The following LRP1B variants were observed in gnomAD, a reference collection of about 807,000 sequenced individuals.
The protein encoded by LRP1B is low-density lipoprotein receptor-related protein 1B.
A neutral mutation model predicts 556.6 loss-of-function variants in LRP1B; 217 were observed. The observed-to-expected ratio is 0.39, with a 90% CI of 0.35 to 0.44. LRP1B has a LOEUF of 0.44. LRP1B is among the 20% of genes least tolerant of loss of function. The pLI, the probability that LRP1B is intolerant of heterozygous loss-of-function variation, is 1.00. For synonymous variants in LRP1B, 2,047 were observed against 1,865.8 expected (o/e 1.10, Z -2.50); for missense variants, 5,053 against 5,620.8 (o/e 0.90, Z 3.23).
chr2:142,001,935 T>C (rs1416304571), intron 1 of LRP1B, among the ~76,000 whole-genome samples: 1 of 152,166 alleles, frequency 6.6e-6, no homozygotes. Flanking sequence ...TTTATTTTAA[T>C]GGGATTTGCA....
chr2:141,548,507 G>A (rs1434892613), intron 2 of LRP1B, among the ~76,000 whole-genome samples: 1 of 152,200 alleles, frequency 6.6e-6, no homozygotes, highest in Non-Finnish European at 1.5e-5. Flanking sequence ...CAAAAGACAT[G>A]CTGACCTTTG....
chr2:141,944,583 A>C (rs1700901997), intron 1 of LRP1B, among the ~76,000 whole-genome samples: 1 of 152,186 alleles, frequency 6.6e-6, no homozygotes, highest in African/African-American at 2.4e-5. Flanking sequence ...TCTGCAAATC[A>C]AATACTGCCT....
rs528325368 is a variant in LRP1B at position 141,822,857 on chromosome 2, C to T, written c.83-12456G>A. Among the ~76,000 whole-genome samples, 9 of 152,042 alleles carry T rather than the reference C, an allele frequency of 5.9e-5. No homozygotes were observed. In the South Asian group the frequency reaches 6.2e-4, roughly 11 times the overall value. On this transcript the variant is annotated intron_variant, in intron 1 of 90. Transcript: ENST00000389484. The stretch of plus-strand genomic sequence containing the variant: ...ACAAGCTGCGGATGGTTTAGTAAAG[C>T]GGTGGGCAAAAATAGAAATACTTAC...
intron 2 of LRP1B, among the ~76,000 whole-genome samples, chr2:141,696,965 G>T (rs1004497948): frequency 6.6e-6 from 1 of 151,890 alleles, no homozygotes; most frequent in African/African-American, 2.4e-5. Flanking sequence ...ATAATCTTTT[G>T]TGTATCATAG....
chr2:140,752,090 G>A (rs1202220237), intron 35 of LRP1B, among the ~76,000 whole-genome samples: 1 of 152,002 alleles, frequency 6.6e-6, no homozygotes, highest in African/African-American at 2.4e-5. Flanking sequence ...GGCAAGGCGG[G>A]CGGATCACGA....
At chr2:141,824,989 T>A (rs2105735899) in intron 1 of LRP1B, among the ~76,000 whole-genome samples, 1 of 152,334 alleles carries the variant, frequency 6.6e-6, no homozygotes, top group South Asian at 2.1e-4. Context: ...GTTTACCCTG[T>A]GCGGTCTCTC....
intron 23 of LRP1B, among the ~76,000 whole-genome samples, chr2:140,894,001 G>A (rs1033418130): frequency 6.6e-6 from 1 of 152,184 alleles, no homozygotes; most frequent in Non-Finnish European, 1.5e-5. Context: ...AAGGTTTGAG[G>A]TTAATTTCAC....
intron 2 of LRP1B, among the ~76,000 whole-genome samples, chr2:141,709,704 T>C (rs866523453): frequency 6.6e-6 from 1 of 152,124 alleles, no homozygotes; most frequent in Non-Finnish European, 1.5e-5. Context: ...ATACGTGGTG[T>C]GTGGGCAAAG....
chr2:141,390,800 G>A (rs1194731144), intron 3 of LRP1B, among the ~76,000 whole-genome samples: 2 of 152,212 alleles, frequency 1.3e-5, no homozygotes, highest in African/African-American at 4.8e-5. Context: ...AAGAACAAGT[G>A]CGCAATGCGC....
Position 141,417,482 on chromosome 2 carries a change from T to G in LRP1B, c.343+62914A>C, listed in dbSNP as rs1210542546. 2.0e-5 allele frequency among the ~76,000 whole-genome samples: 3 copies of G among 152,274 alleles called. No individual in the cohort carries two copies. In the East Asian group the frequency reaches 5.8e-4, roughly 30 times the overall value. ...CCATATAAGTAGAATCATGCAAAAA[T>G]TTTTCTTCTGTGACTGGCTTAACAT... On this transcript the variant is annotated intron_variant, in intron 3 of 90. Coordinates refer to ENST00000389484, the MANE Select transcript of LRP1B (RefSeq NM_018557.3).
At chr2:141,386,396 C>T (rs1027570295) in intron 3 of LRP1B, among the ~76,000 whole-genome samples, 19 of 152,208 alleles carry the variant, frequency 1.2e-4, no homozygotes, top group African/African-American at 3.8e-4. Flanking sequence ...ATGGATGAAA[C>T]TCTCCAATTA....
intron 3 of LRP1B, among the ~76,000 whole-genome samples, chr2:141,352,794 T>TA (rs1688491340): frequency 6.6e-6 from 1 of 151,976 alleles, no homozygotes; most frequent in Non-Finnish European, 1.5e-5. Context: ...AATCATGATC[T>TA]ATAATTATTT....
At chr2:140,896,725 C>T (rs77050847) in intron 23 of LRP1B, among the ~76,000 whole-genome samples, 8,513 of 152,162 alleles carry the variant, frequency 0.056, 244 homozygotes, top group East Asian at 0.1. Context: ...AATAGATCCT[C>T]CTGTCTCAGC....
chr2:141,984,977 G>A (rs1223705983), intron 1 of LRP1B, among the ~76,000 whole-genome samples: 1 of 151,856 alleles, frequency 6.6e-6, no homozygotes, highest in African/African-American at 2.4e-5. Context: ...ATTCTCTTTG[G>A]GAAAGTATTT....
rs552888105 is a variant in LRP1B, at chr2:141,152,241, A to G, written c.1013+36180T>C. ...TTTCCTCGTCTTTAGAGTACAAATA[A>G]TAATAGGTAACTCATAGAATTGTAG... On this transcript the variant is annotated intron_variant, in intron 7 of 90. Coordinates refer to ENST00000389484, the MANE Select transcript of LRP1B (RefSeq NM_018557.3). 5.9e-5 allele frequency among the ~76,000 whole-genome samples: 9 copies of G among 152,150 alleles called. No individual in the cohort carries two copies. The East Asian group carries it at 1.4e-3, about 23-fold the overall frequency.
chr2:142,073,669 T>C (rs937370063), intron 1 of LRP1B, among the ~76,000 whole-genome samples: 2 of 152,054 alleles, frequency 1.3e-5, no homozygotes, highest in Admixed American at 1.3e-4. Context: ...TGGAAATGTG[T>C]CCCCACCCAA....
intron 11 of LRP1B, among the ~76,000 whole-genome samples, chr2:141,041,808 CATGTT>C (rs1265407786): frequency 3.1e-5 from 2 of 64,672 alleles, no homozygotes; most frequent in African/African-American, 1.0e-4. Context: ...TTGATCATTA[CATGTT>C]ATATCATGTA....
At chr2:140,962,959 C>T (rs186740721) in intron 18 of LRP1B, among the ~76,000 whole-genome samples, 1 of 152,018 alleles carries the variant, frequency 6.6e-6, no homozygotes, top group African/African-American at 2.4e-5. Context: ...GAAAACTGGA[C>T]CCTTTAAAAA....
intron 2 of LRP1B, among the ~76,000 whole-genome samples, chr2:141,630,455 A>G (rs1688866535): frequency 6.6e-6 from 1 of 152,168 alleles, no homozygotes; most frequent in African/African-American, 2.4e-5. Context: ...ACCAGTTTTT[A>G]TTTCAATTCC....
Sources: gnomAD v4.1 joint callset for allele counts (sites outside exome capture counted in the v4.1 genomes callset) on GRCh38, gnomAD v4.1.1 for gene constraint, MANE v1.5 for transcripts, NCBI Gene and HGNC (gene_info 2026-07-23, HGNC 2026-07-21) for gene names.